The following RCC1 variants were observed in gnomAD, a reference collection of about 807,000 sequenced individuals.
The protein encoded by RCC1 is regulator of chromosome condensation.
In RCC1, 11 loss-of-function variants were observed where a neutral mutation model predicts 44.4. The ratio of observed to expected loss-of-function variants is 0.25; its 90% CI spans 0.16 to 0.41. The LOEUF is 0.41. Ranked by LOEUF, RCC1 falls within the 10% of genes least tolerant of loss-of-function variation. RCC1 has a pLI of 1.00. For missense variants in RCC1, 386 were observed against 547.1 expected (o/e 0.71, Z 2.94); for synonymous variants, 213 against 216.5 (o/e 0.98, Z 0.14).
At chr1:28,514,462 A>C (rs1403771827) in intron 3 of RCC1, among the ~76,000 whole-genome samples, 23 of 150,002 alleles carry the variant, frequency 1.5e-4, no homozygotes, top group Non-Finnish European at 8.9e-5. Flanking sequence ...AAAAAAAACA[A>C]AAAAAAAACC....
intron 4 of RCC1, among the ~76,000 whole-genome samples, chr1:28,528,454 C>CA (rs1207547191): frequency 6.6e-6 from 1 of 151,892 alleles, no homozygotes; most frequent in Non-Finnish European, 1.5e-5. Flanking sequence ...GACTCCATTT[C>CA]AAAAAAACAA....
chr1:28,528,610 G>A (rs921880768), intron 4 of RCC1, among the ~76,000 whole-genome samples: 2 of 152,170 alleles, frequency 1.3e-5, no homozygotes, highest in African/African-American at 4.8e-5. Flanking sequence ...CCTGGCGACA[G>A]AGTGAGACTC....
intron 4 of RCC1, among the ~76,000 whole-genome samples, chr1:28,521,373 C>T (rs887480353): frequency 2.0e-4 from 31 of 151,532 alleles, no homozygotes; most frequent in African/African-American, 6.5e-4. Context: ...TGGTGGCAGG[C>T]GCCTGTAGTC....
Position 28,527,375 on chromosome 1 carries a change from G to A in RCC1, c.-9-2483G>A. ...CCACCTCAGCCTCCTGAGTAGCCAG[G>A]ACTTCAGGCGTGCACCACCATGCCC... On this transcript the variant is annotated intron_variant, in intron 4 of 12. Coordinates refer to ENST00000683442, the MANE Select transcript of RCC1 (RefSeq NM_001381865.2). 3 of 460,010 alleles carry A rather than the reference G, an allele frequency of 6.5e-6. No individual in the cohort carries two copies. The South Asian group carries it at 6.6e-5, about 10-fold the overall frequency. 28.5% of individuals were successfully genotyped at this position (460,010 alleles called of 1,614,324 possible).
chr1:28,525,405 G>A (rs1663583708), intron 4 of RCC1, among the ~76,000 whole-genome samples: 1 of 152,146 alleles, frequency 6.6e-6, no homozygotes, highest in Non-Finnish European at 1.5e-5. Flanking sequence ...ATAAATATTT[G>A]TGGATTTACA....
intron 1 of RCC1, chr1:28,507,531 G>C (rs1320612333): frequency 1.9e-6 from 1 of 518,078 alleles, no homozygotes; most frequent in Admixed American, 1.9e-5. Context: ...CCAGAGTCCT[G>C]TCGACAATTA....
At position 28,511,805 on chromosome 1, in the gene RCC1, C is replaced by T. The variant is rs560783645; in HGVS notation, c.-153+2900C>T. On this transcript the variant is annotated intron_variant, in intron 3 of 12. Transcript: ENST00000683442. ...CCTCCCAAGTAGCTGGGATTACAGG[C>T]GCACGCCACCATGCCCGGCTAATTT... 2.3e-4 allele frequency among the ~76,000 whole-genome samples: 35 copies of T among 150,564 alleles called. 1 individual carries two copies. Among genetic ancestry groups the T allele is most frequent in the Admixed American group, 9.3e-4 (14 of 15,078 alleles).
intron 7 of RCC1, 116 bp from the exon 8 acceptor site, chr1:28,534,934 A>G: frequency 1.3e-6 from 1 of 767,666 alleles, no homozygotes; most frequent in Non-Finnish European, 2.4e-6. Flanking sequence ...GTATTTGAGT[A>G]TGTGGCCTGG....
chr1:28,514,217 G>A (rs549028439), intron 3 of RCC1, among the ~76,000 whole-genome samples: 6 of 151,866 alleles, frequency 4.0e-5, no homozygotes, highest in South Asian at 4.2e-4. Context: ...TTGGGAGGCC[G>A]AGGCGGGCGG....
intron 4 of RCC1, among the ~76,000 whole-genome samples, chr1:28,519,503 C>G (rs1392939560): frequency 6.6e-6 from 1 of 152,152 alleles, no homozygotes; most frequent in Non-Finnish European, 1.5e-5. Context: ...GGCAACCCAC[C>G]CAGTCCCCCA....
intron 3 of RCC1, among the ~76,000 whole-genome samples, chr1:28,513,911 G>A (rs912899706): frequency 2.6e-5 from 4 of 151,788 alleles, no homozygotes; most frequent in African/African-American, 9.7e-5. Context: ...ACTTACAATA[G>A]TCCACATTCA....
chr1:28,532,705 G>A, intron 7 of RCC1: 1 of 483,978 alleles, frequency 2.1e-6, no homozygotes, highest in Non-Finnish European at 4.1e-6. Flanking sequence ...CAGAGGCTTG[G>A]ATGGGGCAAG....
intron 3 of RCC1, among the ~76,000 whole-genome samples, chr1:28,515,878 C>T (rs1662868136): frequency 6.6e-6 from 1 of 151,794 alleles, no homozygotes; most frequent in Admixed American, 6.6e-5. Flanking sequence ...GAAACCCGGT[C>T]TCTACTAAAA....
In RCC1 at chr1:28,516,800, TGGAG is replaced by T; in HGVS notation, c.-76_-73del. 3 of 456,202 alleles carry T rather than the reference TGGAG, an allele frequency of 6.6e-6. No homozygotes were observed. Among genetic ancestry groups the T allele is most frequent in the South Asian group, 4.7e-5 (3 of 64,492 alleles). 28.3% of individuals were successfully genotyped at this position (456,202 alleles called of 1,614,324 possible). On this transcript the variant is annotated 5_prime_UTR_variant, in exon 4 of 13. Coordinates refer to ENST00000683442, the MANE Select transcript of RCC1 (RefSeq NM_001381865.2). Reference sequence around the variant, plus strand: ...GATCAGAGATCCCAGGGTTAAAAGTTGGAGAAATTTCACAGTACATCATCCAAAA... The same window carrying T: ...GATCAGAGATCCCAGGGTTAAAAGTTAAATTTCACAGTACATCATCCAAAA...
intron 3 of RCC1, among the ~76,000 whole-genome samples, chr1:28,513,921 A>C (rs1040278297): frequency 4.6e-5 from 7 of 152,078 alleles, no homozygotes; most frequent in African/African-American, 1.7e-4. Context: ...GTCCACATTC[A>C]ATTGATATTA....
chr1:28,509,203 C>G (rs762449325), intron 3 of RCC1: 16 of 288,698 alleles, frequency 5.5e-5, no homozygotes, highest in Non-Finnish European at 9.5e-5. Context: ...CACATTCTTT[C>G]ACCTCATTCA....
At chr1:28,509,270 GTTATA>G (rs1337681920) in intron 3 of RCC1, 2 of 207,680 alleles carry the variant, frequency 9.6e-6, no homozygotes, top group African/African-American at 4.7e-5. Flanking sequence ...TGTGTTGGTG[GTTATA>G]TTAAAAGTCC....
chr1:28,528,152 T>C (rs941989823), intron 4 of RCC1, among the ~76,000 whole-genome samples: 10 of 151,528 alleles, frequency 6.6e-5, no homozygotes, highest in African/African-American at 2.2e-4. Context: ...AAACCCCGTC[T>C]CTACTAAAAA....
chr1:28,519,242 C>G (rs1663122940), intron 4 of RCC1, among the ~76,000 whole-genome samples: 1 of 152,140 alleles, frequency 6.6e-6, no homozygotes, highest in African/African-American at 2.4e-5. Flanking sequence ...AGGGATACCA[C>G]AGGTCTTGAG....
Sources: allele counts gnomAD v4.1 joint callset (sites outside exome capture counted in the v4.1 genomes callset), GRCh38; gene constraint gnomAD v4.1.1; transcripts MANE v1.5; gene names NCBI Gene and HGNC (gene_info 2026-07-23, HGNC 2026-07-21).